The following DGKE variants were observed in gnomAD, a reference collection of about 807,000 sequenced individuals.
DGKE encodes diacylglycerol kinase epsilon.
DGKE carries 53 observed loss-of-function variants against 70.0 expected under a neutral mutation model. The observed-to-expected ratio is 0.76, with a 90% CI of 0.61 to 0.95. DGKE has a LOEUF of 0.95. Ranked by LOEUF, DGKE falls within the 40% of genes least tolerant of loss-of-function variation. The pLI is 0.00. For missense variants in DGKE, 655 were observed against 706.9 expected, an observed-to-expected ratio of 0.93 and a Z score of 0.83; for synonymous variants, 291 against 257.0, an observed-to-expected ratio of 1.13 and a Z score of -1.27.
At position 56,857,103 on chromosome 17, in the gene DGKE, A is replaced by G. The variant is rs114441467; in HGVS notation, c.1212+478A>G. Among the ~76,000 whole-genome samples the G allele has an allele frequency of 4.2e-3, 634 of 152,338 alleles. 8 individuals carry two copies. Among genetic ancestry groups the G allele is most frequent in the African/African-American group, 0.015 (611 of 41,560 alleles). Reference sequence around the variant, plus strand: ...ACAGAATGAAACTCCATCTCAAAAAACAAAACAAAACAACTTTATCAAAGT... The same window carrying G: ...ACAGAATGAAACTCCATCTCAAAAAGCAAAACAAAACAACTTTATCAAAGT... On this transcript the variant is annotated intron_variant, in intron 8 of 11. Coordinates refer to ENST00000284061, the MANE Select transcript of DGKE (RefSeq NM_003647.3).
At position 56,837,214 on chromosome 17, in the gene DGKE, G is replaced by GT. The variant is rs542964735; in HGVS notation, c.464+1965dup. On this transcript the variant is annotated intron_variant, in intron 2 of 11. Coordinates refer to ENST00000284061, the MANE Select transcript of DGKE (RefSeq NM_003647.3). Reference sequence around the variant, plus strand: ...TTCAACTAGGCATTGCCGTTTTTTTGTTTTTTTTTTCTGGCAACCCTAGCC... The same window carrying GT: ...TTCAACTAGGCATTGCCGTTTTTTTGTTTTTTTTTTTCTGGCAACCCTAGCC... 9.3e-4 allele frequency among the ~76,000 whole-genome samples: 137 copies of GT among 147,478 alleles called. 1 individual carries two copies. In the South Asian group the frequency reaches 9.8e-3, roughly 11 times the overall value.
rs548273479 is a variant in DGKE at position 56,851,355 on chromosome 17, G to A, written c.1098+2123G>A. Among the ~76,000 whole-genome samples, 157 of 152,266 alleles carry A rather than the reference G, an allele frequency of 1.0e-3. 1 individual carries two copies. The highest frequency in any genetic ancestry group is 1.7e-3 in the Non-Finnish European group (118 of 68,020). On this transcript the variant is annotated intron_variant, in intron 7 of 11. Coordinates refer to ENST00000284061, the MANE Select transcript of DGKE (RefSeq NM_003647.3). ...AGTTTAGAGACTCTAGCCAGCTAACGCCATACTGAAAACAGATTTAGTGCA... is the reference window on the plus strand; with the variant it reads ...AGTTTAGAGACTCTAGCCAGCTAACACCATACTGAAAACAGATTTAGTGCA...
At position 56,861,936 on chromosome 17, in the gene DGKE, C is replaced by A; in HGVS notation, c.1412+18C>A. The A allele has an allele frequency of 6.3e-7, 1 of 1,575,568 alleles. No homozygotes were observed. The highest frequency in any genetic ancestry group is 1.2e-5 in the South Asian group (1 of 84,564). On this transcript the variant is annotated intron_variant, in intron 10 of 11. Coordinates refer to ENST00000284061, the MANE Select transcript of DGKE (RefSeq NM_003647.3). ...CTAGCCAGGTATGTACATTTGTGGT[C>A]TGTTTTTTTATGTCACTATTTTATT...
intron 2 of DGKE, among the ~76,000 whole-genome samples, chr17:56,843,631 C>T (rs1410975495): frequency 6.6e-6 from 1 of 151,968 alleles, no homozygotes; most frequent in African/African-American, 2.4e-5. Flanking sequence ...AACCCCATCT[C>T]TACTAAGAAT....
intron 9 of DGKE, 28 bp from the exon 10 acceptor site, chr17:56,861,763 G>A: frequency 1.2e-6 from 2 of 1,608,610 alleles, no homozygotes; most frequent in East Asian, 2.2e-5. Flanking sequence ...GTATCCTGTA[G>A]TCACTATCTA....
intron 9 of DGKE, 110 bp from the exon 10 acceptor site, chr17:56,861,681 T>C (rs1157425721): frequency 6.9e-7 from 1 of 1,450,890 alleles, no homozygotes; most frequent in Non-Finnish European, 9.3e-7. Context: ...ATCTTCTACA[T>C]GTGCATCTCT....
At position 56,862,376 on chromosome 17, in the gene DGKE, T is replaced by A. The variant is rs3826295; in HGVS notation, c.1524+125T>A. 713,455 of 978,724 alleles carry A rather than the reference T, an allele frequency of 0.73. 262,150 individuals are homozygous for A. The highest frequency in any genetic ancestry group is 0.88 in the East Asian group (33,506 of 38,080). The allele number at this position is 978,724 out of a possible 1,614,324, so 60.6% of individuals were successfully genotyped here. On this transcript the variant is annotated intron_variant, in intron 11 of 11. Transcript: ENST00000284061. Reference sequence around the variant, plus strand: ...TTATGGCTCATGCAGCTGGTCACTGTACACTAGCGGCTAGAGTGGGATGAG... The same window carrying A: ...TTATGGCTCATGCAGCTGGTCACTGAACACTAGCGGCTAGAGTGGGATGAG...
In DGKE at chr17:56,848,761, T is replaced by C. The variant is rs945912552; in HGVS notation, c.954T>C (p.Asn318=). 34 of 1,614,076 alleles carry C rather than the reference T, an allele frequency of 2.1e-5. No homozygotes were observed. Among genetic ancestry groups the C allele is most frequent in the Non-Finnish European group, 2.9e-5 (34 of 1,180,034 alleles). The change falls in exon 6 of 12, where the codon AAT becomes AAC. Residue 318 remains asparagine, a synonymous_variant. Coordinates refer to ENST00000284061, the MANE Select transcript of DGKE (RefSeq NM_003647.3). ...TGGGAACAGGCAACGATCTATCCAA[T>C]ACATTGGGTTGGGGTACAGGTTATG... ...LPLGTGNDLS[N]TLGWGTGYAG...
In DGKE at chr17:56,863,682, G is replaced by T. The variant is rs937539980; in HGVS notation, c.*891G>T. On this transcript the variant is annotated 3_prime_UTR_variant, in exon 12 of 12. Transcript: ENST00000284061. ...CTGACTGATAAGTTTTAAAAATTTG[G>T]TGGTCTTGTAGTATTTTGAAATACA... is the stretch of plus-strand genomic sequence containing the variant. The T allele has an allele frequency of 6.6e-6, 1 of 152,188 alleles. No homozygotes were observed. The highest frequency in any genetic ancestry group is 1.5e-5 in the Non-Finnish European group (1 of 68,042). 9.4% of individuals were successfully genotyped at this position (152,188 alleles called of 1,614,324 possible).
intron 8 of DGKE, among the ~76,000 whole-genome samples, chr17:56,857,261 GC>G (rs1177631547): frequency 6.6e-6 from 1 of 152,090 alleles, no homozygotes; most frequent in African/African-American, 2.4e-5. Flanking sequence ...GAAATTTTAG[GC>G]AGAATAAATT....
At chr17:56,860,225 C>T (rs1908211345) in intron 9 of DGKE, among the ~76,000 whole-genome samples, 1 of 152,242 alleles carries the variant, frequency 6.6e-6, no homozygotes, top group South Asian at 2.1e-4. Flanking sequence ...TCTACATTTA[C>T]AGTCTAGGGT....
rs73325102 is a variant in DGKE at position 56,850,432 on chromosome 17, C to T, written c.1098+1200C>T. ...ACAGGCATGAGTCACTGTGCCCAGC[C>T]ATGAACTACATCTTGCAAATAGATA... On this transcript the variant is annotated intron_variant, in intron 7 of 11. Coordinates refer to ENST00000284061, the MANE Select transcript of DGKE (RefSeq NM_003647.3). Among the ~76,000 whole-genome samples the T allele has an allele frequency of 6.1e-3, 926 of 152,262 alleles. 9 individuals are homozygous for T. The highest frequency in any genetic ancestry group is 0.022 in the African/African-American group (905 of 41,546).
chr17:56,846,580 A>G (rs1330272870), intron 4 of DGKE, among the ~76,000 whole-genome samples: 1 of 152,318 alleles, frequency 6.6e-6, no homozygotes, highest in East Asian at 1.9e-4. Context: ...AGTTTTAAAA[A>G]TAAAAGGGAT....
In DGKE at chr17:56,863,816, TTTA is replaced by T. The variant is rs1428399267; in HGVS notation, c.*1031_*1033del. On this transcript the variant is annotated 3_prime_UTR_variant, in exon 12 of 12. Coordinates refer to ENST00000284061, the MANE Select transcript of DGKE (RefSeq NM_003647.3). Reference sequence around the variant, plus strand: ...ATGAGAGAGATATATTTTTAAATTATTTATTATTTACCTTGTGGTATGGTACCT... The same window carrying T: ...ATGAGAGAGATATATTTTTAAATTATTTATTTACCTTGTGGTATGGTACCT... 6 of 152,190 alleles carry T rather than the reference TTTA, an allele frequency of 3.9e-5. No homozygotes were observed. Among genetic ancestry groups the T allele is most frequent in the African/African-American group, 1.4e-4 (6 of 41,458 alleles). The allele number at this position is 152,190 out of a possible 1,614,324, so 9.4% of individuals were successfully genotyped here.
In DGKE at chr17:56,847,960, A is replaced by T. The variant is rs371374045; in HGVS notation, c.783A>T (p.Leu261=). 10 of 1,595,752 alleles carry T rather than the reference A, an allele frequency of 6.3e-6. No homozygotes were observed. In the South Asian group the frequency reaches 1.1e-4, roughly 18 times the overall value. Residue 261 remains leucine, a synonymous_variant, in exon 5 of 12, where the codon CTA becomes CTT. Coordinates refer to ENST00000284061, the MANE Select transcript of DGKE (RefSeq NM_003647.3). The part of the protein sequence containing the change: ...DVTKTPPIKA[L]QLCTLLPYYS... ...CTAAAACTCCTCCTATCAAAGCCCT[A>T]CAACTCTGTACTCTTCTCCCATATT...
chr17:56,834,620 G>C (rs1486357041), intron 1 of DGKE, among the ~76,000 whole-genome samples, 158 bp from the exon 2 acceptor site: 1 of 152,186 alleles, frequency 6.6e-6, no homozygotes, highest in African/African-American at 2.4e-5. Context: ...TTCTCGGCGC[G>C]GCAGGTCCCG....
Position 56,835,258 on chromosome 17 carries a change from A to G in DGKE, c.463A>G (p.Arg155Gly), listed in dbSNP as rs1450264268. ...CTGTCAACCCAAGCTTTGCGATTAC[A>G]GGTATGGTCTTCGTGGACACTCACT... ...CGCQPKLCDY[R>G]CIWCQKTVHD... is the part of the protein sequence containing the mutation. Residue 155 changes from arginine (R) to glycine (G), a missense_variant and splice_region_variant, in exon 2 of 12, where the codon AGG becomes GGG. Transcript: ENST00000284061. The G allele has an allele frequency of 1.3e-5, 21 of 1,606,186 alleles. No homozygotes were observed. The highest frequency in any genetic ancestry group is 1.8e-5 in the Non-Finnish European group (21 of 1,177,220).
At chr17:56,856,479 T>G (rs1241897387) in intron 7 of DGKE, 33 bp from the exon 8 acceptor site, 1 of 1,594,322 alleles carries the variant, frequency 6.3e-7, no homozygotes, top group South Asian at 1.1e-5. Context: ...GGTGGAACCA[T>G]AGTCTGTTGC....
At chr17:56,849,361 T>C (rs565786937) in intron 7 of DGKE, 129 bp downstream of exon 7, 147 of 738,882 alleles carry the variant, frequency 2.0e-4, no homozygotes, top group Non-Finnish European at 2.9e-4. Context: ...CAGAAGCTTA[T>C]ATGCTTACCT....
Sources: allele counts gnomAD v4.1 joint callset (sites outside exome capture counted in the v4.1 genomes callset), GRCh38; gene constraint gnomAD v4.1.1; transcripts MANE v1.5; gene names NCBI Gene and HGNC (gene_info 2026-07-23, HGNC 2026-07-21).